The following FER1L5 variants were observed in gnomAD, a reference collection of about 807,000 sequenced individuals.
FER1L5 encodes the protein fer-1 like family member 5.
In FER1L5, 187 loss-of-function variants were observed where a neutral mutation model predicts 279.9. The ratio of observed to expected loss-of-function variants is 0.67; its 90% CI spans 0.59 to 0.75. FER1L5 has a LOEUF of 0.75. Ranked by LOEUF, FER1L5 falls within the 30% of genes least tolerant of loss-of-function variation. FER1L5 has a pLI of 0.00. For missense variants in FER1L5, 2,091 were observed against 2,594.4 expected, an observed-to-expected ratio of 0.81 and a Z score of 4.21; for synonymous variants, 921 against 989.7, an observed-to-expected ratio of 0.93 and a Z score of 1.30.
chr2:96,652,953 G>T (rs556808339), intron 7 of FER1L5: 3 of 152,624 alleles, frequency 2.0e-5, no homozygotes, highest in African/African-American at 4.8e-5. Context: ...GGTGGCTCAT[G>T]CCTGTAATTC....
intron 6 of FER1L5, among the ~76,000 whole-genome samples, chr2:96,651,251 CTT>C (rs762063519): frequency 7.8e-6 from 1 of 128,450 alleles, no homozygotes; most frequent in African/African-American, 2.8e-5. Context: ...TTCTTTCTTT[CTT>C]TCTTTCTTTC....
chr2:96,673,100 T>G lies in FER1L5; in HGVS notation c.1515T>G (p.Tyr505Ter). The G allele has an allele frequency of 6.4e-7, 1 of 1,551,570 alleles. No individual in the cohort carries two copies. Among genetic ancestry groups the G allele is most frequent in the Non-Finnish European group, 8.7e-7 (1 of 1,146,950 alleles). ...AGAAGCACCAGAACCGCCAAAAGTATGGGCTGTGCGTCATCTTCCTTTCCT... is the reference window on the plus strand; with the variant it reads ...AGAAGCACCAGAACCGCCAAAAGTAGGGGCTGTGCGTCATCTTCCTTTCCT... ...RIEKHQNRQK[Y>*]GLCVIFLSCT... The change falls in exon 19 of 53, where the codon TAT becomes TAG. Residue 505 changes from tyrosine (Y) to a stop codon, truncating the protein, a stop_gained. Coordinates refer to ENST00000624922, the MANE Select transcript of FER1L5 (RefSeq NM_001293083.2). LOFTEE classifies it high-confidence loss of function.
intron 51 of FER1L5, among the ~76,000 whole-genome samples, 177 bp downstream of exon 51, chr2:96,703,809 C>CTTTTTT (rs35497973): frequency 2.2e-5 from 2 of 89,480 alleles, no homozygotes; most frequent in African/African-American, 4.2e-5. Context: ...CAAAAGTTGC[C>CTTTTTT]TTTTTTTTTT....
At position 96,695,825 on chromosome 2, in the gene FER1L5, G is replaced by A. The variant is rs781185641; in HGVS notation, c.3978G>A (p.Thr1326=). 18 of 1,613,098 alleles carry A rather than the reference G, an allele frequency of 1.1e-5. No individual in the cohort carries two copies. The highest frequency in any genetic ancestry group is 6.6e-5 in the South Asian group (6 of 90,866). The change falls in exon 36 of 53, where the codon ACG becomes ACA. Residue 1326 remains threonine, a synonymous_variant. Coordinates refer to ENST00000624922, the MANE Select transcript of FER1L5 (RefSeq NM_001293083.2). The part of the protein sequence containing the change: ...DNWAFGQQTV[T]GQANIDFLQP... Reference sequence around the variant, plus strand: ...GGGCCTTCGGCCAGCAGACCGTGACGGGCCAGGCCAACATCGACTTCCTCC... The same window carrying A: ...GGGCCTTCGGCCAGCAGACCGTGACAGGCCAGGCCAACATCGACTTCCTCC...
intron 18 of FER1L5, among the ~76,000 whole-genome samples, chr2:96,671,176 GT>G (rs2076318731): frequency 6.9e-6 from 1 of 145,218 alleles, no homozygotes; most frequent in South Asian, 2.3e-4. Context: ...TCGTGACCTA[GT>G]TTCTCAGGGC....
At position 96,703,233 on chromosome 2, in the gene FER1L5, G is replaced by T. The variant is rs774206492; in HGVS notation, c.5578G>T (p.Asp1860Tyr). ...KQCSIRMMDADPKWPYFIQYK... is the reference protein window; with the variant it reads ...KQCSIRMMDAYPKWPYFIQYK... ...GTGCTCCATCAGGATGATGGACGCC[G>T]ACCCCAAGTGGCCCTATTTCATCCA... The change falls in exon 50 of 53, where the codon GAC becomes TAC. Residue 1860 changes from aspartate to tyrosine, a missense_variant. Coordinates refer to ENST00000624922, the MANE Select transcript of FER1L5 (RefSeq NM_001293083.2). The T allele has an allele frequency of 6.2e-7, 1 of 1,613,868 alleles. No homozygotes were observed. The highest frequency in any genetic ancestry group is 8.5e-7 in the Non-Finnish European group (1 of 1,179,874).
intron 6 of FER1L5, among the ~76,000 whole-genome samples, chr2:96,650,875 C>G (rs2075332062): frequency 6.6e-6 from 1 of 152,226 alleles, no homozygotes; most frequent in South Asian, 2.1e-4. Context: ...AGTCCTAGCT[C>G]TTAACGTCAC....
intron 34 of FER1L5, chr2:96,695,304 G>A (rs1030618918): frequency 3.1e-6 from 2 of 647,216 alleles, no homozygotes; most frequent in African/African-American, 1.9e-5. Context: ...CAGCGTCCCA[G>A]CCCCGAGGGC....
chr2:96,701,220 G>C (rs1361648388), intron 45 of FER1L5, among the ~76,000 whole-genome samples: 2 of 152,230 alleles, frequency 1.3e-5, no homozygotes, highest in African/African-American at 4.8e-5. Context: ...TTAGGCACGA[G>C]AATCGCTTGA....
Position 96,691,548 on chromosome 2 carries a change from G to T in FER1L5, c.3011G>T (p.Arg1004Leu). The T allele has an allele frequency of 6.5e-7, 1 of 1,549,500 alleles. No homozygotes were observed. Among genetic ancestry groups the T allele is most frequent in the Non-Finnish European group, 8.7e-7 (1 of 1,146,266 alleles). Reference sequence around the variant, plus strand: ...AGCCGGTTCCGCCGCCGCTGCTGGCGCCGCAGGCTGGCCCCCAACAAGGAC... The same window carrying T: ...AGCCGGTTCCGCCGCCGCTGCTGGCTCCGCAGGCTGGCCCCCAACAAGGAC... ...PQSRFRRRCW[R>L]RRLAPNKDKG... The change falls in exon 29 of 53, where the codon CGC becomes CTC. Residue 1004 changes from arginine to leucine, a missense_variant. By Grantham distance (102) the Arg-to-Leu change is moderately radical. Coordinates refer to ENST00000624922, the MANE Select transcript of FER1L5 (RefSeq NM_001293083.2). This position sits in a 1 kb window ranked among gnomAD's most constrained non-coding sequence, Gnocchi z 6.0.
chr2:96,685,974 G>A lies in FER1L5; in HGVS notation c.1930G>A (p.Ala644Thr), dbSNP rs778452251. 84 of 1,549,634 alleles carry A rather than the reference G, an allele frequency of 5.4e-5. No individual in the cohort carries two copies. The highest frequency in any genetic ancestry group is 5.9e-5 in the Admixed American group (3 of 50,826). The change falls in exon 22 of 53, where the codon GCC (alanine) becomes ACC (threonine). Residue 644 changes from alanine to threonine, a missense_variant. Coordinates refer to ENST00000624922, the MANE Select transcript of FER1L5 (RefSeq NM_001293083.2). ...GCCCTGCATGACCTATCAGCCCAAA[G>A]CCACCAGCCTGGACAGGAAGAGGTG... ...PLPCMTYQPK[A>T]TSLDRKRWQL...
At chr2:96,645,780 ACACT>A (rs1380621938) in intron 1 of FER1L5, among the ~76,000 whole-genome samples, 2 of 149,046 alleles carry the variant, frequency 1.3e-5, no homozygotes, top group Non-Finnish European at 2.9e-5. Flanking sequence ...TGTGTCACAC[ACACT>A]CACACACACA....
intron 51 of FER1L5, 147 bp from the exon 52 acceptor site, chr2:96,704,068 G>A (rs1438890380): frequency 1.7e-5 from 16 of 939,854 alleles, no homozygotes; most frequent in Non-Finnish European, 2.3e-5. Flanking sequence ...CACTCACCTC[G>A]GCCTCCCAAA....
chr2:96,695,702 C>T, intron 35 of FER1L5, 40 bp from the exon 36 acceptor site: 1 of 1,607,888 alleles, frequency 6.2e-7, no homozygotes, highest in Non-Finnish European at 8.5e-7. Context: ...CCCTCTTCTT[C>T]TGTGGGTCTC....
In FER1L5 at chr2:96,659,510, G is replaced by GTTCTTTCTTTCTTTCTTT. The variant is rs1491543660; in HGVS notation, c.748-831_748-830insTTCTTTCTTTCTTTCTTT. ...CTTTCTTTCTTTCTTTCTTTCTTTC[G>GTTCTTTCTTTCTTTCTTT]AGACAGAGTCTCGCTCTGTCGCCCA... On this transcript the variant is annotated intron_variant, in intron 9 of 52. Coordinates refer to ENST00000624922, the MANE Select transcript of FER1L5 (RefSeq NM_001293083.2). Among the ~76,000 whole-genome samples, 6 of 14,332 alleles carry GTTCTTTCTTTCTTTCTTT rather than the reference G, an allele frequency of 4.2e-4. 2 individuals are homozygous for GTTCTTTCTTTCTTTCTTT. In the East Asian group the frequency reaches 0.018, roughly 44 times the overall value. 9.4% of individuals were successfully genotyped at this position (14,332 alleles called of 152,430 possible). A position where few individuals can be genotyped will look rare whatever the true frequency, so the allele number is the denominator to read the frequency against.
intron 9 of FER1L5, among the ~76,000 whole-genome samples, chr2:96,659,938 T>C (rs1469712490): frequency 6.6e-6 from 1 of 152,084 alleles, no homozygotes; most frequent in Non-Finnish European, 1.5e-5. Flanking sequence ...AGAAACTATC[T>C]CCAAGGGGAA....
intron 51 of FER1L5, 21 bp from the exon 52 acceptor site, chr2:96,704,194 A>G: frequency 6.2e-7 from 1 of 1,610,476 alleles, no homozygotes; most frequent in Non-Finnish European, 8.5e-7. Flanking sequence ...ATTCTCTGAC[A>G]TCTCCCTGGC....
intron 23 of FER1L5, among the ~76,000 whole-genome samples, chr2:96,687,232 T>C (rs978837684): frequency 6.6e-6 from 1 of 152,180 alleles, no homozygotes; most frequent in African/African-American, 2.4e-5. Context: ...CTCTGGCCCA[T>C]ACTCTCAACA....
chr2:96,682,082 G>A (rs550827995), intron 19 of FER1L5, among the ~76,000 whole-genome samples: 1 of 148,526 alleles, frequency 6.7e-6, no homozygotes, highest in East Asian at 2.0e-4. Context: ...CACCATGCCT[G>A]GCCCTTTTTT....
Sources: allele counts gnomAD v4.1 joint callset (sites outside exome capture counted in the v4.1 genomes callset), GRCh38; gene constraint gnomAD v4.1.1; non-coding constraint Gnocchi (gnomAD v3.1); transcripts MANE v1.5; gene names NCBI Gene and HGNC (gene_info 2026-07-23, HGNC 2026-07-21).